The following ITSN1 variants were observed in gnomAD, a reference collection of about 807,000 sequenced individuals.
The protein encoded by ITSN1 is intersectin 1, also known as intersectin-1.
In ITSN1, 58 loss-of-function variants were observed where a neutral mutation model predicts 239.8. That is an observed-to-expected ratio of 0.24 (90% CI 0.20 to 0.30). The LOEUF (loss-of-function observed/expected upper bound fraction) is 0.30. ITSN1 is among the 10% of genes least tolerant of loss of function. The pLI, the probability that ITSN1 is intolerant of heterozygous loss-of-function variation, is 1.00. For missense variants in ITSN1, 1,558 were observed against 2,103.3 expected (o/e 0.74, Z 5.07); for synonymous variants, 780 against 770.8 (o/e 1.01, Z -0.20).
Position 33,877,059 on chromosome 21 carries a change from C to CTTTTT in ITSN1, c.4341+1546_4341+1550dup, listed in dbSNP as rs10529259. Among the ~76,000 whole-genome samples the CTTTTT allele has an allele frequency of 3.8e-4, 40 of 106,402 alleles. 7 individuals are homozygous for CTTTTT. Among genetic ancestry groups the CTTTTT allele is most frequent in the African/African-American group, 1.4e-3 (37 of 25,868 alleles). 69.8% of individuals were successfully genotyped at this position (106,402 alleles called of 152,430 possible). A position where few individuals can be genotyped will look rare whatever the true frequency, so the allele number is the denominator to read the frequency against. Reference sequence around the variant, plus strand: ...TCCTTAGAACTTTACCTGTGGGCACCTTTTTTTTTTTTGAAATGGAGTCTC... The same window carrying CTTTTT: ...TCCTTAGAACTTTACCTGTGGGCACCTTTTTTTTTTTTTTTTTGAAATGGAGTCTC... On this transcript the variant is annotated intron_variant, in intron 34 of 39. Transcript: ENST00000381318.
rs560435348 is a variant in ITSN1, at chr21:33,735,896, C to T, written c.346+692C>T. Among the ~76,000 whole-genome samples, 10 of 152,042 alleles carry T rather than the reference C, an allele frequency of 6.6e-5. 1 individual carries two copies. Among genetic ancestry groups the T allele is most frequent in the East Asian group, 1.9e-4 (1 of 5,168 alleles). On this transcript the variant is annotated intron_variant, in intron 5 of 39. Coordinates refer to ENST00000381318, the MANE Select transcript of ITSN1 (RefSeq NM_003024.3). Reference sequence around the variant, plus strand: ...GTGCGCACCTGTAATCCCAGCTACTCGGAGAGGCTGAGGCAGGAGAACCTG... The same window carrying T: ...GTGCGCACCTGTAATCCCAGCTACTTGGAGAGGCTGAGGCAGGAGAACCTG...
chr21:33,717,388 G>A (rs1023285585), intron 1 of ITSN1, among the ~76,000 whole-genome samples: 1 of 151,346 alleles, frequency 6.6e-6, no homozygotes, highest in Non-Finnish European at 1.5e-5. Flanking sequence ...CTAGAAACAG[G>A]GTTTTGCCAT....
At chr21:33,859,652 C>A (rs982706278) in intron 31 of ITSN1, among the ~76,000 whole-genome samples, 1 of 152,168 alleles carries the variant, frequency 6.6e-6, no homozygotes, top group Non-Finnish European at 1.5e-5. Flanking sequence ...ATTGGGAAGT[C>A]CCCATTTCCT....
chr21:33,750,322 G>T lies in ITSN1; in HGVS notation c.526G>T (p.Ala176Ser). The change falls in exon 6 of 40, where the codon GCA becomes TCA. Residue 176 changes from alanine to serine, a missense_variant and splice_region_variant. Ala to Ser is a moderately conservative substitution (Grantham distance 99). This residue lies in a region of ITSN1 where 982 missense variants were observed against 1,209.9 expected (regional missense o/e 0.81). Coordinates refer to ENST00000381318, the MANE Select transcript of ITSN1 (RefSeq NM_003024.3). Reference protein sequence around the residue: ...IQPLPAFAHPAATLPKSSSFS... With the variant: ...IQPLPAFAHPSATLPKSSSFS... Reference sequence around the variant, plus strand: ...ACCTCTGCCTGCATTTGCTCATCCTGGTATGTGACTTGCTGAAACCATAGG... The same window carrying T: ...ACCTCTGCCTGCATTTGCTCATCCTTGTATGTGACTTGCTGAAACCATAGG... 5 of 1,612,276 alleles carry T rather than the reference G, an allele frequency of 3.1e-6. No individual in the cohort carries two copies. The highest frequency in any genetic ancestry group is 4.2e-6 in the Non-Finnish European group (5 of 1,179,736).
Position 33,782,107 on chromosome 21 carries a change from A to T in ITSN1, c.1798A>T (p.Ile600Phe). Residue 600 changes from isoleucine (I) to phenylalanine (F), a missense_variant, in exon 16 of 40, where the codon ATT becomes TTT. Physicochemically the swap from Ile to Phe is conservative, Grantham distance 21. Transcript: ENST00000381318. ...AGAAACTAGATCAAAACTACAGGAG[A>T]TTGATATTTTCAATAATCAGCTGAA... ...EKETRSKLQE[I>F]DIFNNQLKEL... 6.2e-7 allele frequency: 1 copy of T among 1,613,742 alleles called. No individual in the cohort carries two copies. The highest frequency in any genetic ancestry group is 8.5e-7 in the Non-Finnish European group (1 of 1,179,790).
intron 5 of ITSN1, among the ~76,000 whole-genome samples, chr21:33,736,545 A>G (rs572531713): frequency 5.9e-5 from 9 of 152,322 alleles, no homozygotes; most frequent in African/African-American, 1.7e-4. Context: ...CAGCCTCCAC[A>G]TGACTGGGGC....
At chr21:33,818,088 TAAAC>T (rs746874734) in intron 22 of ITSN1, 175 bp from the exon 23 acceptor site, 8 of 608,100 alleles carry the variant, frequency 1.3e-5, no homozygotes, top group East Asian at 8.2e-5. Flanking sequence ...CTTTTGGAAA[TAAAC>T]AATTGTTGGG....
chr21:33,648,891 A>G (rs927541452), intron 1 of ITSN1, among the ~76,000 whole-genome samples: 3 of 152,034 alleles, frequency 2.0e-5, no homozygotes, highest in Non-Finnish European at 2.9e-5. Flanking sequence ...GAGAAAGAGA[A>G]GGAAGGAGAA....
intron 14 of ITSN1, among the ~76,000 whole-genome samples, chr21:33,778,365 C>T (rs2069816466): frequency 6.6e-6 from 1 of 151,994 alleles, no homozygotes; most frequent in South Asian, 2.1e-4. Context: ...AATAGCATTT[C>T]TTCTTTAAAT....
chr21:33,814,220 C>A, intron 22 of ITSN1, 148 bp downstream of exon 22: 28 of 442,378 alleles, frequency 6.3e-5, no homozygotes, highest in South Asian at 1.7e-4. Context: ...GTGCAGGAGC[C>A]AGAAATCTGC....
At chr21:33,798,009 G>C (rs962629355) in intron 18 of ITSN1, among the ~76,000 whole-genome samples, 1 of 152,082 alleles carries the variant, frequency 6.6e-6, no homozygotes, top group Non-Finnish European at 1.5e-5. Flanking sequence ...CGCTGTCTTC[G>C]GTCTGCATTG....
intron 20 of ITSN1, among the ~76,000 whole-genome samples, chr21:33,807,214 G>A (rs1018889939): frequency 2.0e-5 from 3 of 152,180 alleles, no homozygotes; most frequent in African/African-American, 7.2e-5. Context: ...AAGGGGATAA[G>A]AGGCTGATAT....
At chr21:33,842,759 C>T (rs1259802554) in intron 29 of ITSN1, among the ~76,000 whole-genome samples, 1 of 152,184 alleles carries the variant, frequency 6.6e-6, no homozygotes. Context: ...CTCAGACTAT[C>T]ATGTCTTTAA....
At chr21:33,837,166 T>G (rs2074646214) in intron 29 of ITSN1, 1 of 1,361,866 alleles carries the variant, frequency 7.3e-7, no homozygotes, top group South Asian at 2.4e-5. Context: ...TCATTTTACC[T>G]TAGTTGCATG....
At chr21:33,676,031 T>G (rs1326950138) in intron 1 of ITSN1, among the ~76,000 whole-genome samples, 1 of 151,804 alleles carries the variant, frequency 6.6e-6, no homozygotes. Flanking sequence ...ATTTTCCTTT[T>G]TTTTGTTTTT....
intron 28 of ITSN1, among the ~76,000 whole-genome samples, chr21:33,835,930 CAAAT>C (rs1602531708): frequency 6.6e-6 from 1 of 152,132 alleles, no homozygotes; most frequent in Non-Finnish European, 1.5e-5. Context: ...GGCTCTGTCT[CAAAT>C]AAATAAATAA....
chr21:33,854,126 T>A (rs1282943517), intron 29 of ITSN1, among the ~76,000 whole-genome samples: 1 of 152,204 alleles, frequency 6.6e-6, no homozygotes, highest in Non-Finnish European at 1.5e-5. Flanking sequence ...AAGTGTGCCC[T>A]AAAGGTGTGC....
At chr21:33,787,832 C>CT (rs1168513153) in intron 16 of ITSN1, among the ~76,000 whole-genome samples, 1 of 152,124 alleles carries the variant, frequency 6.6e-6, no homozygotes, top group African/African-American at 2.4e-5. Flanking sequence ...ATGTTTGGTT[C>CT]TTTCATTCTG....
intron 28 of ITSN1, 40 bp from the exon 29 acceptor site, chr21:33,836,401 G>T: frequency 6.7e-7 from 1 of 1,488,030 alleles, no homozygotes; most frequent in Non-Finnish European, 9.1e-7. Flanking sequence ...TGCATTCTCC[G>T]GCGGGTGTGC....
Sources: allele counts gnomAD v4.1 joint callset (sites outside exome capture counted in the v4.1 genomes callset), GRCh38; gene constraint gnomAD v4.1.1; regional missense constraint gnomAD v4.1.1; transcripts MANE v1.5; gene names NCBI Gene and HGNC (gene_info 2026-07-23, HGNC 2026-07-21).